The following CEP70 variants were observed in gnomAD, a reference collection of about 807,000 sequenced individuals.
CEP70 encodes the protein centrosomal protein of 70 kDa.
In CEP70, 70 loss-of-function variants were observed where a neutral mutation model predicts 90.9. The observed-to-expected ratio is 0.77, with a 90% CI of 0.64 to 0.94. The LOEUF is 0.94. Among genes scored for constraint, CEP70 ranks in the 40% least tolerant of loss-of-function variants. The probability of loss-of-function intolerance (pLI) is 0.00; values close to 1 mark genes in which losing one functional copy is unlikely to be tolerated. For missense variants in CEP70, 648 were observed against 669.0 expected (o/e 0.97, Z 0.35); for synonymous variants, 220 against 228.3 (o/e 0.96, Z 0.33).
intron 10 of CEP70, among the ~76,000 whole-genome samples, chr3:138,526,114 G>A (rs1342262064): frequency 1.3e-5 from 2 of 151,922 alleles, no homozygotes; most frequent in Admixed American, 1.3e-4. Flanking sequence ...AATGGCTTAT[G>A]CTAGGTATCA....
chr3:138,505,458 C>G lies in CEP70; in HGVS notation c.1058G>C (p.Cys353Ser), dbSNP rs770312552. Residue 353 changes from cysteine to serine, a missense_variant, in exon 13 of 18, where the codon TGT becomes TCT. By Grantham distance (112) the Cys-to-Ser change is moderately radical. Transcript: ENST00000264982. The part of the protein sequence containing the change: ...LIDQRYFQVL[C>S]SINSIIHNPR... ...ATTGTGGATAATTGAATTGATGCTACACAGCACCTTTAAAAAAACATAGTG... is the reference window on the plus strand; with the variant it reads ...ATTGTGGATAATTGAATTGATGCTAGACAGCACCTTTAAAAAAACATAGTG... 1 of 1,578,804 alleles carries G rather than the reference C, an allele frequency of 6.3e-7. No homozygotes were observed. The highest frequency in any genetic ancestry group is 1.4e-5 in the African/African-American group (1 of 73,158).
chr3:138,555,721 C>A (rs2039957093), intron 6 of CEP70, among the ~76,000 whole-genome samples: 2 of 152,166 alleles, frequency 1.3e-5, no homozygotes, highest in Admixed American at 6.5e-5. Flanking sequence ...GTGATACCAC[C>A]TCACTCCCAC....
At chr3:138,575,349 A>G (rs1343820768) in intron 2 of CEP70, among the ~76,000 whole-genome samples, 3 of 152,238 alleles carry the variant, frequency 2.0e-5, no homozygotes, top group Non-Finnish European at 4.4e-5. Context: ...CAGAAAGGGT[A>G]TCAGTGATTG....
chr3:138,528,473 A>C (rs2037501293), intron 10 of CEP70, among the ~76,000 whole-genome samples: 1 of 152,216 alleles, frequency 6.6e-6, no homozygotes, highest in African/African-American at 2.4e-5. Context: ...AGTGAGTATA[A>C]GAATATTATG....
intron 11 of CEP70, among the ~76,000 whole-genome samples, chr3:138,516,497 C>T (rs902655695): frequency 1.3e-5 from 2 of 152,030 alleles, no homozygotes; most frequent in African/African-American, 4.8e-5. Context: ...GCAATCTTCC[C>T]ACCTCAGCCT....
At chr3:138,525,184 T>C (rs56394118) in intron 11 of CEP70, among the ~76,000 whole-genome samples, 53,074 of 151,324 alleles carry the variant, frequency 0.35, 11,527 homozygotes, top group East Asian at 0.55. Flanking sequence ...AAACACCGCA[T>C]GTTCTCACTC....
Position 138,530,684 on chromosome 3 carries a change from C to T in CEP70, c.693-1222G>A, listed in dbSNP as rs146736970. 360 of 985,394 alleles carry T rather than the reference C, an allele frequency of 3.7e-4. 1 individual carries two copies. The African/African-American group carries it at 5.9e-3, about 16-fold the overall frequency. The allele number at this position is 985,394 out of a possible 1,614,324, so 61.0% of individuals were successfully genotyped here. A position where few individuals can be genotyped will look rare whatever the true frequency, so the allele number is the denominator to read the frequency against. On this transcript the variant is annotated intron_variant, in intron 8 of 17. Transcript: ENST00000264982. ...CTGCTTCCTGTTTATCCTACTTAGG[C>T]CTCCAAATCTTGGCCTGGCTTCCCC...
chr3:138,525,093 GA>G (rs1274063893), intron 11 of CEP70, among the ~76,000 whole-genome samples: 51 of 152,260 alleles, frequency 3.3e-4, no homozygotes, highest in African/African-American at 1.1e-3. Flanking sequence ...CATAAAAAAT[GA>G]TGAGTTCATG....
intron 6 of CEP70, among the ~76,000 whole-genome samples, chr3:138,559,368 A>C (rs533104681): frequency 2.6e-5 from 4 of 152,242 alleles, no homozygotes; most frequent in Non-Finnish European, 5.9e-5. Flanking sequence ...CTACACGCTC[A>C]AGAAATGCTG....
chr3:138,504,422 G>C (rs1242990849), intron 13 of CEP70, among the ~76,000 whole-genome samples: 1 of 152,134 alleles, frequency 6.6e-6, no homozygotes, highest in African/African-American at 2.4e-5. Flanking sequence ...TCATTCATCA[G>C]GAGGATCTTG....
intron 6 of CEP70, among the ~76,000 whole-genome samples, chr3:138,556,189 T>C (rs1002734334): frequency 2.6e-5 from 4 of 152,160 alleles, no homozygotes; most frequent in African/African-American, 9.7e-5. Flanking sequence ...GAACATATGT[T>C]CTCACTTATA....
chr3:138,577,271 C>G (rs1332119546), intron 2 of CEP70, among the ~76,000 whole-genome samples: 1 of 152,138 alleles, frequency 6.6e-6, no homozygotes, highest in Non-Finnish European at 1.5e-5. Flanking sequence ...GTGCAGCACA[C>G]CAACATGGCA....
chr3:138,531,302 T>A (rs2037789774), intron 8 of CEP70, among the ~76,000 whole-genome samples: 1 of 152,106 alleles, frequency 6.6e-6, no homozygotes, highest in Non-Finnish European at 1.5e-5. Flanking sequence ...CACATCATAT[T>A]CTACACAAAA....
At chr3:138,497,576 A>G in intron 17 of CEP70, 22 of 954,436 alleles carry the variant, frequency 2.3e-5, no homozygotes, top group Non-Finnish European at 2.7e-5. Flanking sequence ...GTAATATTTC[A>G]TCTTTTCCTT....
chr3:138,545,255 C>T (rs2039094897), intron 6 of CEP70, among the ~76,000 whole-genome samples: 1 of 152,172 alleles, frequency 6.6e-6, no homozygotes. Context: ...GTGAAGATTT[C>T]ATGGACATTT....
At chr3:138,555,366 G>A (rs1017408710) in intron 6 of CEP70, among the ~76,000 whole-genome samples, 1 of 151,884 alleles carries the variant, frequency 6.6e-6, no homozygotes, top group Non-Finnish European at 1.5e-5. Context: ...CATTGGATTA[G>A]GCAAAGATTT....
At chr3:138,590,190 TG>T (rs1381334661) in intron 2 of CEP70, among the ~76,000 whole-genome samples, 3 of 152,192 alleles carry the variant, frequency 2.0e-5, no homozygotes, top group Non-Finnish European at 2.9e-5. Context: ...GTTCTGATAC[TG>T]TCATATGTAT....
In CEP70 at chr3:138,571,062, C is replaced by A. The variant is rs748990528; in HGVS notation, c.256G>T (p.Glu86Ter). ...ETSCQQNMIQ[E>*]LIETNQQLRN... is the part of the protein sequence containing the mutation. Reference sequence around the variant, plus strand: ...AGCTGTTGATTAGTTTCTATAAGCTCCTGTATCATGTTCTGTTGACATGAT... The same window carrying A: ...AGCTGTTGATTAGTTTCTATAAGCTACTGTATCATGTTCTGTTGACATGAT... The change falls in exon 5 of 18, where the codon GAG (glutamate) becomes TAG (stop). Residue 86 changes from glutamate to a stop codon, truncating the protein, a stop_gained. Transcript: ENST00000264982. LOFTEE classifies it high-confidence loss of function. 6.2e-7 allele frequency: 1 copy of A among 1,605,510 alleles called. No homozygotes were observed. The highest frequency in any genetic ancestry group is 1.7e-5 in the Admixed American group (1 of 59,136).
At chr3:138,558,562 A>T (rs2040186635) in intron 6 of CEP70, among the ~76,000 whole-genome samples, 1 of 152,148 alleles carries the variant, frequency 6.6e-6, no homozygotes, top group Non-Finnish European at 1.5e-5. Flanking sequence ...GTCCTAGGAA[A>T]CTTCTCACAC....
Sources: allele counts gnomAD v4.1 joint callset (sites outside exome capture counted in the v4.1 genomes callset), GRCh38; gene constraint gnomAD v4.1.1; transcripts MANE v1.5; gene names NCBI Gene and HGNC (gene_info 2026-07-23, HGNC 2026-07-21).